The following ANKRD55 variants were observed in gnomAD, a reference collection of about 807,000 sequenced individuals.
ANKRD55 encodes the protein ankyrin repeat domain 55, also known as ankyrin repeat domain-containing protein 55.
ANKRD55 carries 41 observed loss-of-function variants against 60.6 expected under a neutral mutation model. The observed-to-expected ratio is 0.68, with a 90% CI of 0.53 to 0.88. The LOEUF is 0.88. Among genes scored for constraint, ANKRD55 ranks in the 40% least tolerant of loss-of-function variants. ANKRD55 has a pLI of 0.00. For synonymous variants in ANKRD55, 264 were observed against 290.3 expected, an observed-to-expected ratio of 0.91 and a Z score of 0.92; for missense variants, 732 against 767.6, an observed-to-expected ratio of 0.95 and a Z score of 0.55.
intron 2 of ANKRD55, among the ~76,000 whole-genome samples, chr5:56,215,404 G>C (rs1436983666): frequency 1.3e-5 from 2 of 152,198 alleles, no homozygotes; most frequent in African/African-American, 4.8e-5. Context: ...AGGTGGGGCT[G>C]TCACACTGAG....
chr5:56,166,829 T>G (rs1327520046), intron 5 of ANKRD55, among the ~76,000 whole-genome samples: 1 of 152,206 alleles, frequency 6.6e-6, no homozygotes. Context: ...TCAGTAGAAA[T>G]ATTTCTTGTG....
chr5:56,227,166 G>A (rs1007351671), intron 2 of ANKRD55, among the ~76,000 whole-genome samples: 1 of 152,086 alleles, frequency 6.6e-6, no homozygotes, highest in Non-Finnish European at 1.5e-5. Context: ...CCATAAAAAA[G>A]GATGAGTTCA....
At chr5:56,195,771 A>G (rs1759215074) in intron 2 of ANKRD55, among the ~76,000 whole-genome samples, 2 of 152,146 alleles carry the variant, frequency 1.3e-5, no homozygotes, top group Admixed American at 1.3e-4. Context: ...TTATTGTGCC[A>G]AAACATGTCA....
intron 2 of ANKRD55, among the ~76,000 whole-genome samples, chr5:56,223,009 A>G (rs184777841): frequency 6.6e-6 from 1 of 152,326 alleles, no homozygotes. Flanking sequence ...AGAATGCCAC[A>G]AAGATACTCC....
intron 7 of ANKRD55, among the ~76,000 whole-genome samples, chr5:56,129,156 T>C (rs1488613646): frequency 1.3e-5 from 2 of 152,202 alleles, no homozygotes; most frequent in African/African-American, 4.8e-5. Flanking sequence ...AGACTGTGTG[T>C]CAGCCAAAAA....
intron 3 of ANKRD55, among the ~76,000 whole-genome samples, chr5:56,179,400 C>T (rs1031081475): frequency 5.3e-5 from 8 of 151,896 alleles, no homozygotes; most frequent in African/African-American, 1.7e-4. Flanking sequence ...TTCAGAATAG[C>T]GGTTAGTTAT....
chr5:56,198,941 G>C (rs535527356), intron 2 of ANKRD55, among the ~76,000 whole-genome samples: 2 of 152,116 alleles, frequency 1.3e-5, no homozygotes, highest in African/African-American at 4.8e-5. Context: ...TTAGCCGGGC[G>C]TGGTGGCGGG....
At chr5:56,207,716 G>A (rs1346355156) in intron 2 of ANKRD55, among the ~76,000 whole-genome samples, 1 of 152,200 alleles carries the variant, frequency 6.6e-6, no homozygotes, top group African/African-American at 2.4e-5. Flanking sequence ...AGGGCACATA[G>A]CATAAATAGA....
chr5:56,205,702 A>T (rs1759487272), intron 2 of ANKRD55, among the ~76,000 whole-genome samples: 1 of 151,974 alleles, frequency 6.6e-6, no homozygotes, highest in African/African-American at 2.4e-5. Context: ...TTTAAAAGGC[A>T]CCCTCCTTGT....
intron 8 of ANKRD55, among the ~76,000 whole-genome samples, chr5:56,118,416 G>C (rs1319436320): frequency 6.6e-6 from 1 of 152,126 alleles, no homozygotes; most frequent in Non-Finnish European, 1.5e-5. Flanking sequence ...ACAAGGTCAG[G>C]AGATCGAGAC....
intron 3 of ANKRD55, among the ~76,000 whole-genome samples, chr5:56,180,062 G>A (rs1473678616): frequency 6.6e-6 from 1 of 152,168 alleles, no homozygotes; most frequent in East Asian, 1.9e-4. Context: ...TATTGGGTGA[G>A]GGCCTTTTTG....
rs371313210 is a variant in ANKRD55 at position 56,137,191 on chromosome 5, A to T, written c.612+6610T>A. The T allele has an allele frequency of 4.1e-4, 665 of 1,609,232 alleles. 2 individuals carry two copies. In the Middle Eastern group the frequency reaches 5.0e-3, roughly 12 times the overall value. On this transcript the variant is annotated intron_variant, in intron 7 of 11. Transcript: ENST00000341048. ...AGTGGTGGAGTTGGCAAGTGTGCCC[A>T]GGCCAAGCAGTGGGGCTGGACACAA...
intron 2 of ANKRD55, among the ~76,000 whole-genome samples, chr5:56,227,493 A>G (rs1760148527): frequency 6.6e-6 from 1 of 152,160 alleles, no homozygotes; most frequent in Non-Finnish European, 1.5e-5. Context: ...ATAAAAGAAA[A>G]CAAAAAACAA....
chr5:56,219,273 C>CAAAA (rs35909700), intron 2 of ANKRD55, among the ~76,000 whole-genome samples: 58 of 96,946 alleles, frequency 6.0e-4, no homozygotes, highest in African/African-American at 1.6e-3. Flanking sequence ...ACTCTGCCTC[C>CAAAA]AAAAAAAAAA....
chr5:56,145,271 C>A (rs1190710577), intron 6 of ANKRD55, among the ~76,000 whole-genome samples: 1 of 152,236 alleles, frequency 6.6e-6, no homozygotes, highest in African/African-American at 2.4e-5. Context: ...ATTCCCCAGC[C>A]TCCTTGCAGA....
chr5:56,099,990 G>T lies in ANKRD55; in HGVS notation c.*193C>A. ...TCACAGAAATTCACAGACTTAATAT[G>T]CACACCCAAATATTCTAAGTGCTTA... is the stretch of plus-strand genomic sequence containing the variant. On this transcript the variant is annotated 3_prime_UTR_variant, in exon 12 of 12. Coordinates refer to ENST00000341048, the MANE Select transcript of ANKRD55 (RefSeq NM_024669.3). 1 of 671,092 alleles carries T rather than the reference G, an allele frequency of 1.5e-6. No homozygotes were observed. The highest frequency in any genetic ancestry group is 2.4e-6 in the Non-Finnish European group (1 of 409,632). 41.6% of individuals were successfully genotyped at this position (671,092 alleles called of 1,614,324 possible).
At chr5:56,149,843 CTTT>C (rs763644589) in intron 6 of ANKRD55, among the ~76,000 whole-genome samples, 5 of 140,322 alleles carry the variant, frequency 3.6e-5, no homozygotes, top group Non-Finnish European at 4.7e-5. Flanking sequence ...TCACTAACTT[CTTT>C]TTTTTTTTTT....
chr5:56,108,373 A>C (rs1301668092), intron 10 of ANKRD55: 1 of 152,220 alleles, frequency 6.6e-6, no homozygotes, highest in Non-Finnish European at 1.5e-5. Context: ...TAACTCTGGA[A>C]AACAGGATGG....
intron 9 of ANKRD55, among the ~76,000 whole-genome samples, chr5:56,114,665 G>A (rs1373609734): frequency 6.6e-6 from 1 of 152,172 alleles, no homozygotes; most frequent in African/African-American, 2.4e-5. Context: ...CCCATTTAAA[G>A]TATAAGGTAT....
Sources: allele counts gnomAD v4.1 joint callset (sites outside exome capture counted in the v4.1 genomes callset), GRCh38; gene constraint gnomAD v4.1.1; transcripts MANE v1.5; gene names NCBI Gene and HGNC (gene_info 2026-07-23, HGNC 2026-07-21).